IGSF21: variants seen among roughly 807,000 people sequenced by gnomAD.
IGSF21 encodes immunoglobin superfamily member 21.
In IGSF21, 28 loss-of-function variants were observed where a neutral mutation model predicts 46.8. That is an observed-to-expected ratio of 0.60 (90% confidence interval 0.44 to 0.82). The LOEUF is 0.82. Among genes scored for constraint, IGSF21 ranks in the 40% least tolerant of loss-of-function variants. The pLI, the probability that IGSF21 is intolerant of heterozygous loss-of-function variation, is 0.00. For synonymous variants in IGSF21, 284 were observed against 273.6 expected (o/e 1.04, Z -0.38); for missense variants, 624 against 665.5 (o/e 0.94, Z 0.69).
intron 1 of IGSF21, among the ~76,000 whole-genome samples, chr1:18,189,709 G>A (rs2086936883): frequency 6.6e-6 from 1 of 152,064 alleles, no homozygotes; most frequent in Non-Finnish European, 1.5e-5. Context: ...TATGAGAATC[G>A]AATGCCGCTG....
At chr1:18,153,693 T>C (rs2086541761) in intron 1 of IGSF21, among the ~76,000 whole-genome samples, 1 of 148,666 alleles carries the variant, frequency 6.7e-6, no homozygotes, top group African/African-American at 2.5e-5. Context: ...AGTGATCATC[T>C]GTGGTGGTCC....
intron 2 of IGSF21, among the ~76,000 whole-genome samples, chr1:18,280,761 C>A (rs1013936218): frequency 1.3e-5 from 2 of 151,978 alleles, no homozygotes; most frequent in African/African-American, 4.8e-5. Flanking sequence ...CTACACAGCA[C>A]CCCCAGAACT....
intron 2 of IGSF21, among the ~76,000 whole-genome samples, chr1:18,263,905 G>A (rs1411649376): frequency 6.6e-6 from 1 of 152,196 alleles, no homozygotes; most frequent in African/African-American, 2.4e-5. Flanking sequence ...CCTGATGCTG[G>A]TGCATTTAAT....
intron 3 of IGSF21, among the ~76,000 whole-genome samples, chr1:18,319,447 C>T (rs2085577300): frequency 6.6e-6 from 1 of 152,228 alleles, no homozygotes; most frequent in African/African-American, 2.4e-5. Flanking sequence ...ATCATAGTAA[C>T]TATTACTATG....
At chr1:18,314,728 C>T (rs868140641) in intron 3 of IGSF21, among the ~76,000 whole-genome samples, 32 of 152,288 alleles carry the variant, frequency 2.1e-4, no homozygotes, top group Middle Eastern at 6.8e-3. Context: ...TACCCTACCT[C>T]TCAGAAAACT....
rs770404665 is a variant in IGSF21, at chr1:18,365,571, G to A, written c.889G>A (p.Gly297Ser). The change falls in exon 6 of 10, where the codon GGC (glycine) becomes AGC (serine). Residue 297 changes from glycine to serine, a missense_variant. Gly to Ser is a moderately conservative substitution (Grantham distance 56, BLOSUM62 0). Transcript: ENST00000251296. The surrounding 1 kb of genome is among the most constrained non-coding windows in gnomAD (Gnocchi z 4.8). ...LRHSRTPSSD[G>S]TVEVRALLTW... ...CCACAGCCGCACCCCGAGCAGTGACGGCACTGTGGAAGTACGTGCCCTGCT... is the reference window on the plus strand; with the variant it reads ...CCACAGCCGCACCCCGAGCAGTGACAGCACTGTGGAAGTACGTGCCCTGCT... 8.1e-6 allele frequency: 13 copies of A among 1,613,972 alleles called. No individual in the cohort carries two copies. The highest frequency in any genetic ancestry group is 4.5e-5 in the East Asian group (2 of 44,874).
chr1:18,165,491 C>T (rs1014981619), intron 1 of IGSF21, among the ~76,000 whole-genome samples: 1 of 152,196 alleles, frequency 6.6e-6, no homozygotes, highest in Non-Finnish European at 1.5e-5. Flanking sequence ...TCTCTAAAGG[C>T]CCTACATCCA....
At chr1:18,223,195 C>T (rs372668009) in intron 1 of IGSF21, among the ~76,000 whole-genome samples, 32 of 152,360 alleles carry the variant, frequency 2.1e-4, no homozygotes, top group Middle Eastern at 3.4e-3. Context: ...GCCCCAACCC[C>T]AGGTCTCTCT....
At position 18,378,242 on chromosome 1, in the gene IGSF21, G is replaced by A; in HGVS notation, c.1334-14G>A. 1.2e-6 allele frequency: 2 copies of A among 1,613,382 alleles called. No individual in the cohort carries two copies. Among genetic ancestry groups the A allele is most frequent in the Non-Finnish European group, 1.7e-6 (2 of 1,179,434 alleles). On this transcript the variant is annotated splice_polypyrimidine_tract_variant and intron_variant, in intron 9 of 9. Coordinates refer to ENST00000251296, the MANE Select transcript of IGSF21 (RefSeq NM_032880.5). ...GTCTGCAGGCTCTGACCCTTTCCCT[G>A]ATTCCTGGCACAGGTTCCATTGGCC...
chr1:18,214,604 G>A (rs2084423818), intron 1 of IGSF21, among the ~76,000 whole-genome samples: 1 of 152,202 alleles, frequency 6.6e-6, no homozygotes, highest in African/African-American at 2.4e-5. Context: ...TTGACTCACA[G>A]TTCTGCATGG....
At chr1:18,224,140 A>G (rs1216785500) in intron 1 of IGSF21, among the ~76,000 whole-genome samples, 1 of 152,110 alleles carries the variant, frequency 6.6e-6, no homozygotes, top group Non-Finnish European at 1.5e-5. Flanking sequence ...GTGTCCTTTA[A>G]TTTTGCACTG....
intron 1 of IGSF21, among the ~76,000 whole-genome samples, chr1:18,194,779 C>T (rs1352562272): frequency 6.6e-6 from 1 of 152,204 alleles, no homozygotes; most frequent in East Asian, 1.9e-4. Flanking sequence ...GAGACCCACT[C>T]TTTTGACGGA....
chr1:18,373,275 C>T (rs552014128), intron 6 of IGSF21, among the ~76,000 whole-genome samples: 5 of 152,332 alleles, frequency 3.3e-5, no homozygotes, highest in South Asian at 2.1e-4. Context: ...TCTTTCTCTA[C>T]GTCCAGGGCT....
chr1:18,311,900 A>G (rs577160089), intron 3 of IGSF21, among the ~76,000 whole-genome samples: 4 of 152,316 alleles, frequency 2.6e-5, no homozygotes, highest in South Asian at 2.1e-4. Flanking sequence ...TATGGGAACT[A>G]CAATTCAAGA....
chr1:18,225,132 G>T (rs1045118419), intron 1 of IGSF21, among the ~76,000 whole-genome samples: 9 of 105,302 alleles, frequency 8.5e-5, no homozygotes, highest in Admixed American at 1.9e-4. Flanking sequence ...CACACACAAA[G>T]AAATCATGTT....
intron 1 of IGSF21, among the ~76,000 whole-genome samples, chr1:18,155,818 C>T (rs1048481922): frequency 2.6e-5 from 4 of 152,364 alleles, no homozygotes; most frequent in Middle Eastern, 3.4e-3. Context: ...TTCCAGGAGG[C>T]CTGGGCGCTG....
chr1:18,143,840 G>C (rs1031358682), intron 1 of IGSF21, among the ~76,000 whole-genome samples: 1 of 152,146 alleles, frequency 6.6e-6, no homozygotes, highest in African/African-American at 2.4e-5. Context: ...TAGGTGGTAG[G>C]GGGGTGAGTG....
At chr1:18,310,936 T>C (rs2085482701) in intron 3 of IGSF21, among the ~76,000 whole-genome samples, 1 of 152,142 alleles carries the variant, frequency 6.6e-6, no homozygotes, top group African/African-American at 2.4e-5. Context: ...TCTGTCCAGA[T>C]TTCCTTCTTA....
intron 1 of IGSF21, among the ~76,000 whole-genome samples, chr1:18,140,393 C>G (rs149243844): frequency 2.6e-5 from 4 of 152,264 alleles, no homozygotes; most frequent in Non-Finnish European, 5.9e-5. Flanking sequence ...GGTCACTTCC[C>G]GAATAAGCTA....
Sources: allele counts gnomAD v4.1 joint callset (sites outside exome capture counted in the v4.1 genomes callset), GRCh38; gene constraint gnomAD v4.1.1; non-coding constraint Gnocchi (gnomAD v3.1); transcripts MANE v1.5; gene names NCBI Gene and HGNC (gene_info 2026-07-23, HGNC 2026-07-21).